Variants in EPB41L3 observed in about 807,000 individuals in gnomAD.
The protein encoded by EPB41L3 is erythrocyte membrane protein band 4.1 like 3, also known as band 4.1-like protein 3.
A neutral mutation model predicts 127.1 loss-of-function variants in EPB41L3; 57 were observed. The observed-to-expected ratio is 0.45, with a 90% CI of 0.36 to 0.56. The LOEUF (loss-of-function observed/expected upper bound fraction) is 0.56, where lower values mean the gene tolerates loss of function less well. EPB41L3 is among the 20% of genes least tolerant of loss of function. EPB41L3 has a pLI of 0.00. For synonymous variants in EPB41L3, 572 were observed against 549.5 expected, an observed-to-expected ratio of 1.04 and a Z score of -0.57; for missense variants, 1,273 against 1,372.2, an observed-to-expected ratio of 0.93 and a Z score of 1.14.
upstream of EPB41L3, among the ~76,000 whole-genome samples, chr18:5,629,208 G>A (rs139535457): frequency 1.7e-4 from 26 of 152,202 alleles, no homozygotes; most frequent in East Asian, 4.7e-3. Context: ...CCTTTGGCCA[G>A]ATGATTTTAA....
Position 5,424,358 on chromosome 18 carries a change from A to T in EPB41L3, c.1067T>A (p.Phe356Tyr), listed in dbSNP as rs374596275. 2 of 1,589,974 alleles carry T rather than the reference A, an allele frequency of 1.3e-6. No homozygotes were observed. The highest frequency in any genetic ancestry group is 2.7e-5 in the African/African-American group (2 of 73,446). Residue 356 changes from phenylalanine (F) to tyrosine (Y), a missense_variant and splice_region_variant, in exon 10 of 23, where the codon TTT becomes TAT. Phe to Tyr is a conservative substitution (Grantham distance 22, BLOSUM62 3). Transcript: ENST00000341928. ...NFYIKIRPGEFEQFESTIGFK... is the reference protein window; with the variant it reads ...NFYIKIRPGEYEQFESTIGFK... ...CCCAATGGTGCTTTCAAATTGTTCAAACTAAATAAAAAAAAATACATTGAA... is the reference window on the plus strand; with the variant it reads ...CCCAATGGTGCTTTCAAATTGTTCATACTAAATAAAAAAAAATACATTGAA...
At chr18:5,563,469 CATT>C (rs2094159304) in intron 3 of EPB41L3, among the ~76,000 whole-genome samples, 1 of 152,002 alleles carries the variant, frequency 6.6e-6, no homozygotes, top group Non-Finnish European at 1.5e-5. Context: ...AAGTTATTAT[CATT>C]ATTATATGAA....
intron 3 of EPB41L3, among the ~76,000 whole-genome samples, chr18:5,558,474 T>C (rs962058785): frequency 6.6e-6 from 1 of 152,168 alleles, no homozygotes; most frequent in African/African-American, 2.4e-5. Context: ...ATAGGGACAT[T>C]GGTATCCAGA....
chr18:5,433,798 G>T (rs990368320), intron 7 of EPB41L3, 105 bp downstream of exon 7: 8 of 1,267,190 alleles, frequency 6.3e-6, no homozygotes, highest in Non-Finnish European at 9.1e-6. Context: ...CTATGCTCAC[G>T]TCTCGCCGTT....
intron 1 of EPB41L3, among the ~76,000 whole-genome samples, chr18:5,496,075 A>G (rs1314995390): frequency 6.6e-6 from 1 of 152,252 alleles, no homozygotes; most frequent in East Asian, 1.9e-4. Context: ...CTGAAGCAAT[A>G]CTTTACACAG....
chr18:5,489,333 A>C, intron 1 of EPB41L3, 139 bp from the exon 2 acceptor site: 2 of 932,330 alleles, frequency 2.1e-6, no homozygotes, highest in Non-Finnish European at 3.0e-6. Flanking sequence ...TATTCCACAC[A>C]CTGGACAGAT....
At chr18:5,503,308 A>G (rs1010423604) in intron 1 of EPB41L3, among the ~76,000 whole-genome samples, 24 of 152,274 alleles carry the variant, frequency 1.6e-4, no homozygotes, top group Admixed American at 1.5e-3. Context: ...TAGCAAATGG[A>G]GCAAATCAGT....
chr18:5,453,631 T>C (rs1166421688), intron 3 of EPB41L3, among the ~76,000 whole-genome samples: 6 of 152,234 alleles, frequency 3.9e-5, no homozygotes. Flanking sequence ...ACACCGTAAG[T>C]ACTTCATTCT....
In EPB41L3 at chr18:5,445,028, G is replaced by A. The variant is rs1403540706; in HGVS notation, c.486+112C>T. 23 of 731,918 alleles carry A rather than the reference G, an allele frequency of 3.1e-5. No homozygotes were observed. The East Asian group carries it at 5.1e-4, about 16-fold the overall frequency. The allele number at this position is 731,918 out of a possible 1,614,324, so 45.3% of individuals were successfully genotyped here. On this transcript the variant is annotated intron_variant, in intron 4 of 22. Transcript: ENST00000341928. ...TTTACAGACTCAAAGTAGAAAGTGT[G>A]GGAGAATGAAGGGAGGTGGAGAAAG...
In EPB41L3 at chr18:5,492,335, A is replaced by G. The variant is rs2090701852; in HGVS notation, c.-11-3141T>C. ...ACTCGGTCTCAAAAAAATAAATACAATACAATATAATATGCCTAACTTTAA... is the reference window on the plus strand; with the variant it reads ...ACTCGGTCTCAAAAAAATAAATACAGTACAATATAATATGCCTAACTTTAA... On this transcript the variant is annotated intron_variant, in intron 1 of 22. Coordinates refer to ENST00000341928, the MANE Select transcript of EPB41L3 (RefSeq NM_012307.5). Among the ~76,000 whole-genome samples, 2 of 121,924 alleles carry G rather than the reference A, an allele frequency of 1.6e-5. 1 individual carries two copies. Among genetic ancestry groups the G allele is most frequent in the Admixed American group, 1.5e-4 (2 of 13,682 alleles). The allele number at this position is 121,924 out of a possible 152,430, so 80.0% of individuals were successfully genotyped here. A position where few individuals can be genotyped will look rare whatever the true frequency, so the allele number is the denominator to read the frequency against.
At chr18:5,488,122 TG>T (rs1404563729) in intron 2 of EPB41L3, among the ~76,000 whole-genome samples, 1 of 152,162 alleles carries the variant, frequency 6.6e-6, no homozygotes, top group African/African-American at 2.4e-5. Flanking sequence ...TTAAAAGTAA[TG>T]CATTATTCCT....
At chr18:5,486,735 C>T (rs2089818971) in intron 2 of EPB41L3, among the ~76,000 whole-genome samples, 1 of 152,052 alleles carries the variant, frequency 6.6e-6, no homozygotes, top group Non-Finnish European at 1.5e-5. Context: ...TGCTCAATAT[C>T]ACTAATTATC....
intron 3 of EPB41L3, among the ~76,000 whole-genome samples, chr18:5,571,443 T>G (rs2094279223): frequency 2.0e-5 from 3 of 152,218 alleles, no homozygotes; most frequent in Admixed American, 6.5e-5. Flanking sequence ...TTGTTGCTCA[T>G]AGGTGATTAA....
rs2077885681 is a variant in EPB41L3 at position 5,424,419 on chromosome 18, G to A, written c.1066-60C>T. 2.2e-6 allele frequency: 3 copies of A among 1,354,240 alleles called. No individual in the cohort carries two copies. In the East Asian group the frequency reaches 7.3e-5, roughly 33 times the overall value. 83.9% of individuals were successfully genotyped at this position (1,354,240 alleles called of 1,614,324 possible). ...TAAAATTATAAATAACAGAAGCCCT[G>A]TAAATAAATTACAGAATCATGATGC... On this transcript the variant is annotated intron_variant, in intron 9 of 22. Transcript: ENST00000341928.
intron 3 of EPB41L3, among the ~76,000 whole-genome samples, chr18:5,585,365 G>A (rs556884077): frequency 5.2e-4 from 79 of 152,192 alleles, no homozygotes; most frequent in Admixed American, 1.9e-3. Context: ...GTGCCGTAGT[G>A]CGATCTGGGC....
chr18:5,444,018 C>T (rs970152238), intron 4 of EPB41L3, 138 bp from the exon 5 acceptor site: 4 of 671,644 alleles, frequency 6.0e-6, no homozygotes, highest in African/African-American at 5.4e-5. Flanking sequence ...GTCCTTCCCC[C>T]ACATCTGGTG....
chr18:5,621,426 T>C (rs1429377294), intron 1 of EPB41L3, among the ~76,000 whole-genome samples: 1 of 152,202 alleles, frequency 6.6e-6, no homozygotes, highest in African/African-American at 2.4e-5. Flanking sequence ...TACATTTGTA[T>C]CCACTATGAA....
chr18:5,566,773 TATTCTATTCTATTCTATTCCATTCC>T (rs2094209469), intron 3 of EPB41L3, among the ~76,000 whole-genome samples: 1 of 127,670 alleles, frequency 7.8e-6, no homozygotes, highest in African/African-American at 2.8e-5. Context: ...TATTCTATTC[TATTCTATTCTATTCTATTCCATTCC>T]ATTCCATTCT....
intron 1 of EPB41L3, among the ~76,000 whole-genome samples, chr18:5,533,259 A>G (rs1299283878): frequency 6.6e-6 from 1 of 152,198 alleles, no homozygotes; most frequent in African/African-American, 2.4e-5. Context: ...TTGAGGCTGA[A>G]TGGCAACTAC....
Sources: gnomAD v4.1 joint callset for allele counts (sites outside exome capture counted in the v4.1 genomes callset) on GRCh38, gnomAD v4.1.1 for gene constraint, MANE v1.5 for transcripts, NCBI Gene and HGNC (gene_info 2026-07-23, HGNC 2026-07-21) for gene names.